SRFBP1: variants seen among roughly 807,000 people sequenced by gnomAD.
SRFBP1 encodes the protein serum response factor-binding protein 1.
A neutral mutation model predicts 45.5 loss-of-function variants in SRFBP1; 47 were observed. That is an observed-to-expected ratio of 1.03 (90% CI 0.82 to 1.32). The LOEUF (loss-of-function observed/expected upper bound fraction) is 1.32. SRFBP1 is among the 40% of genes most tolerant of loss of function. SRFBP1 has a pLI of 0.00. For synonymous variants in SRFBP1, 203 were observed against 166.3 expected, an observed-to-expected ratio of 1.22 and a Z score of -1.70; for missense variants, 621 against 484.6, an observed-to-expected ratio of 1.28 and a Z score of -2.64.
intron 1 of SRFBP1, among the ~76,000 whole-genome samples, chr5:121,962,688 C>T (rs1303098555): frequency 6.6e-6 from 1 of 152,242 alleles, no homozygotes; most frequent in Admixed American, 6.5e-5. Flanking sequence ...ACCACCGTCA[C>T]TTCCATAGTG....
intron 1 of SRFBP1, among the ~76,000 whole-genome samples, chr5:121,967,485 G>A (rs1183156261): frequency 2.0e-5 from 3 of 152,082 alleles, no homozygotes; most frequent in Non-Finnish European, 4.4e-5. Flanking sequence ...GAAATAAAAA[G>A]TAAAATCAAC....
intron 3 of SRFBP1, among the ~76,000 whole-genome samples, chr5:121,990,889 C>T (rs1037972915): frequency 3.3e-5 from 5 of 152,176 alleles, no homozygotes; most frequent in Admixed American, 1.3e-4. Context: ...AATATATGTA[C>T]ACTTCTGAAT....
chr5:122,054,300 G>A (rs1754039194), intron 2 of SRFBP1, among the ~76,000 whole-genome samples: 1 of 152,170 alleles, frequency 6.6e-6, no homozygotes, highest in African/African-American at 2.4e-5. Flanking sequence ...TCCCCCTAGA[G>A]GCTCTCATTC....
intron 2 of SRFBP1, among the ~76,000 whole-genome samples, chr5:122,049,601 A>G (rs1297439294): frequency 6.6e-6 from 1 of 151,076 alleles, no homozygotes; most frequent in African/African-American, 2.4e-5. Context: ...CCGCACTTAT[A>G]CCAATATTGA....
At chr5:121,986,205 A>G (rs954930629) in intron 3 of SRFBP1, among the ~76,000 whole-genome samples, 1 of 151,990 alleles carries the variant, frequency 6.6e-6, no homozygotes, top group African/African-American at 2.4e-5. Context: ...TATCAAGAAG[A>G]AAGGAAGAAT....
intron 2 of SRFBP1, among the ~76,000 whole-genome samples, chr5:122,033,645 G>C (rs1293538203): frequency 6.6e-6 from 1 of 151,196 alleles, no homozygotes; most frequent in Non-Finnish European, 1.5e-5. Flanking sequence ...TTTTAGTAGA[G>C]ATGGCGTTTC....
At chr5:122,076,717 CA>C (rs78389649), downstream of SRFBP1, among the ~76,000 whole-genome samples, 55,369 of 151,932 alleles carry the variant, frequency 0.36, 10,891 homozygotes, top group Non-Finnish European at 0.43. Context: ...CAGAAATCTT[CA>C]AAAATATTAA....
Position 122,018,075 on chromosome 5 carries a change from G to A in SRFBP1, c.271-1185G>A, listed in dbSNP as rs535134074. On this transcript the variant is annotated intron_variant, in intron 4 of 7. Transcript: ENST00000339397. ...CTAGTTGAGATGACATTTAAGCAGA[G>A]ACCTGAATACAGTGAGATGATCAGC... Among the ~76,000 whole-genome samples, 33 of 152,308 alleles carry A rather than the reference G, an allele frequency of 2.2e-4. No homozygotes were observed. In the East Asian group the frequency reaches 4.6e-3, roughly 21 times the overall value.
At chr5:122,054,823 A>G (rs1355801848) in intron 2 of SRFBP1, among the ~76,000 whole-genome samples, 16 of 152,232 alleles carry the variant, frequency 1.1e-4, no homozygotes, top group Admixed American at 1.0e-3. Context: ...GACCCCAGCT[A>G]TAAAAATATG....
intron 2 of SRFBP1, among the ~76,000 whole-genome samples, chr5:122,034,131 A>G (rs1163151156): frequency 6.6e-6 from 1 of 152,090 alleles, no homozygotes; most frequent in African/African-American, 2.4e-5. Flanking sequence ...GCCTATTTTT[A>G]GCCTTTCTAA....
At chr5:122,068,896 CA>C (rs201600780) in intron 2 of SRFBP1, among the ~76,000 whole-genome samples, 2,415 of 151,926 alleles carry the variant, frequency 0.016, 26 homozygotes, top group Non-Finnish European at 0.023. Context: ...TATTTAAGTG[CA>C]AATTATTTTA....
At chr5:122,055,620 T>TA (rs759130251) in intron 2 of SRFBP1, among the ~76,000 whole-genome samples, 1 of 152,026 alleles carries the variant, frequency 6.6e-6, no homozygotes, top group Non-Finnish European at 1.5e-5. Context: ...TTCATCCCAA[T>TA]AAAAAAAGAC....
chr5:121,993,335 T>G (rs1394302785), intron 3 of SRFBP1, among the ~76,000 whole-genome samples: 3 of 152,138 alleles, frequency 2.0e-5, no homozygotes, highest in Admixed American at 6.6e-5. Context: ...AAATCATGCT[T>G]CATTTTAAAA....
At chr5:122,040,325 G>T (rs977900572) in intron 2 of SRFBP1, among the ~76,000 whole-genome samples, 3 of 152,052 alleles carry the variant, frequency 2.0e-5, no homozygotes, top group South Asian at 4.2e-4. Flanking sequence ...GCCTAAGTAC[G>T]ATATCATCCT....
At chr5:122,040,390 A>G (rs1010131729) in intron 2 of SRFBP1, among the ~76,000 whole-genome samples, 1 of 152,178 alleles carries the variant, frequency 6.6e-6, no homozygotes, top group Non-Finnish European at 1.5e-5. Context: ...TACTTTGAAC[A>G]TGTGTTTCTC....
chr5:122,061,486 T>A (rs1401799529), intron 2 of SRFBP1, among the ~76,000 whole-genome samples: 1 of 152,068 alleles, frequency 6.6e-6, no homozygotes, highest in Non-Finnish European at 1.5e-5. Flanking sequence ...TGTAAATATA[T>A]GAATACATCC....
intron 4 of SRFBP1, among the ~76,000 whole-genome samples, chr5:122,000,044 A>G (rs1359619216): frequency 3.9e-5 from 6 of 152,048 alleles, no homozygotes; most frequent in Admixed American, 1.3e-4. Context: ...TGTGAGTTAA[A>G]TGAGCATCTT....
intron 3 of SRFBP1, among the ~76,000 whole-genome samples, chr5:121,989,288 G>A (rs1377672690): frequency 1.3e-5 from 2 of 151,914 alleles, no homozygotes; most frequent in Non-Finnish European, 2.9e-5. Flanking sequence ...GGATGGTCTC[G>A]ATCTCCTGAC....
At chr5:122,052,581 G>GT (rs1035109395) in intron 2 of SRFBP1, among the ~76,000 whole-genome samples, 1 of 152,152 alleles carries the variant, frequency 6.6e-6, no homozygotes, top group Non-Finnish European at 1.5e-5. Flanking sequence ...CTTGCAGTGT[G>GT]TTTTTCAGCT....
Sources: allele counts gnomAD v4.1 joint callset (sites outside exome capture counted in the v4.1 genomes callset), GRCh38; gene constraint gnomAD v4.1.1; transcripts MANE v1.5; gene names NCBI Gene and HGNC (gene_info 2026-07-23, HGNC 2026-07-21).